ZBTB20: variants seen among roughly 807,000 people sequenced by gnomAD.
ZBTB20 encodes zinc finger and BTB domain containing 20.
A neutral mutation model predicts 56.9 loss-of-function variants in ZBTB20; 9 were observed. That is an observed-to-expected ratio of 0.16 (90% confidence interval 0.10 to 0.28). ZBTB20 has a LOEUF of 0.28. Ranked by LOEUF, ZBTB20 falls within the 10% of genes least tolerant of loss-of-function variation. ZBTB20 has a pLI of 1.00. For missense variants in ZBTB20, 655 were observed against 1,003.0 expected (o/e 0.65, Z 4.69); for synonymous variants, 417 against 420.7 (o/e 0.99, Z 0.11).
chr3:114,491,433 G>A (rs754138015), intron 7 of ZBTB20, among the ~76,000 whole-genome samples: 1 of 152,098 alleles, frequency 6.6e-6, no homozygotes, highest in Admixed American at 6.5e-5. Context: ...TCTCTTCCCC[G>A]CTTATTCTTA....
rs72956216 is a variant in ZBTB20 at position 114,775,278 on chromosome 3, C to T, written c.-343+25823G>A. ...GTTGTATCAGAGTGTTGTACTCTTCCCCAAGATCCTTCCTTTGCCCCACTT... is the reference window on the plus strand; with the variant it reads ...GTTGTATCAGAGTGTTGTACTCTTCTCCAAGATCCTTCCTTTGCCCCACTT... On this transcript the variant is annotated intron_variant, in intron 5 of 11. Transcript: ENST00000675478. Among the ~76,000 whole-genome samples, 869 of 152,164 alleles carry T rather than the reference C, an allele frequency of 5.7e-3. 12 individuals carry two copies. The highest frequency in any genetic ancestry group is 0.019 in the African/African-American group (803 of 41,528).
At chr3:114,558,123 G>A (rs1177745116) in intron 6 of ZBTB20, among the ~76,000 whole-genome samples, 1 of 151,936 alleles carries the variant, frequency 6.6e-6, no homozygotes. Context: ...TAATTTCTGG[G>A]AACTACCTTG....
At chr3:114,970,307 G>C (rs2077820997) in intron 3 of ZBTB20, among the ~76,000 whole-genome samples, 1 of 152,178 alleles carries the variant, frequency 6.6e-6, no homozygotes, top group African/African-American at 2.4e-5. Context: ...TTCCCAAAAA[G>C]AACTGTGTTA....
At chr3:114,979,607 A>T (rs1357056928) in intron 2 of ZBTB20, among the ~76,000 whole-genome samples, 1 of 152,174 alleles carries the variant, frequency 6.6e-6, no homozygotes, top group South Asian at 2.1e-4. Flanking sequence ...ATAGCAAACA[A>T]GTCTTCATTA....
chr3:115,032,129 T>C (rs1206988555), intron 2 of ZBTB20, among the ~76,000 whole-genome samples: 1 of 151,376 alleles, frequency 6.6e-6, no homozygotes, highest in African/African-American at 2.4e-5. Flanking sequence ...CCTTTAAAAA[T>C]ATTTTTTTTT....
chr3:114,402,324 T>C (rs1393637318), intron 7 of ZBTB20, among the ~76,000 whole-genome samples: 2 of 152,034 alleles, frequency 1.3e-5, no homozygotes, highest in Non-Finnish European at 2.9e-5. Flanking sequence ...GCTTTTGGAG[T>C]ACTCTCCAAA....
chr3:114,848,737 C>T (rs1301469619), intron 4 of ZBTB20, among the ~76,000 whole-genome samples: 2 of 152,224 alleles, frequency 1.3e-5, no homozygotes, highest in Non-Finnish European at 2.9e-5. Context: ...ATTGCTTATG[C>T]TGTCCTGCAC....
intron 5 of ZBTB20, among the ~76,000 whole-genome samples, chr3:114,717,607 T>C (rs1412787590): frequency 1.3e-5 from 2 of 152,190 alleles, no homozygotes; most frequent in Non-Finnish European, 2.9e-5. Flanking sequence ...TATATTTATA[T>C]GCTATTCTTT....
intron 5 of ZBTB20, among the ~76,000 whole-genome samples, chr3:114,772,937 A>C (rs966997073): frequency 6.6e-6 from 1 of 152,236 alleles, no homozygotes; most frequent in Non-Finnish European, 1.5e-5. Context: ...TCTTAAAAGC[A>C]GAGAACTTTT....
At position 114,458,975 on chromosome 3, in the gene ZBTB20, T is replaced by C. The variant is rs181363096; in HGVS notation, c.-255+41377A>G. Among the ~76,000 whole-genome samples the C allele has an allele frequency of 2.3e-3, 357 of 152,242 alleles. 1 individual carries two copies. Among genetic ancestry groups the C allele is most frequent in the African/African-American group, 8.1e-3 (336 of 41,560 alleles). On this transcript the variant is annotated intron_variant, in intron 7 of 11. Transcript: ENST00000675478. ...AGGTAAATGCACCCATGGTAGACCA[T>C]AGTTTATTAGGCCTTTTTAGTGTAC...
chr3:114,427,834 G>C (rs1442009042), intron 7 of ZBTB20, among the ~76,000 whole-genome samples: 1 of 152,196 alleles, frequency 6.6e-6, no homozygotes, highest in African/African-American at 2.4e-5. Flanking sequence ...AGGTAAAGCA[G>C]TAGAGGCAGA....
intron 5 of ZBTB20, among the ~76,000 whole-genome samples, chr3:114,760,151 T>G (rs937476024): frequency 1.3e-5 from 2 of 152,222 alleles, no homozygotes; most frequent in Non-Finnish European, 2.9e-5. Context: ...ATTTTATTAA[T>G]GTCCTTAATC....
At chr3:115,146,776 T>TG (rs2084992892) in intron 1 of ZBTB20, among the ~76,000 whole-genome samples, 1 of 152,098 alleles carries the variant, frequency 6.6e-6, no homozygotes, top group Admixed American at 6.5e-5. Context: ...TAGCAGCTCC[T>TG]GAGCCCCGGC....
rs540661084 is a variant in ZBTB20, at chr3:115,095,734, C to T, written c.-702-24320G>A. ...ATGCTGAATTAGAACTAGGGGAGCT[C>T]AAGGATATTTTGATATATTAAACAT... is the stretch of plus-strand genomic sequence containing the variant. On this transcript the variant is annotated intron_variant, in intron 1 of 11. Transcript: ENST00000675478. Among the ~76,000 whole-genome samples, 7 of 152,116 alleles carry T rather than the reference C, an allele frequency of 4.6e-5. No individual in the cohort carries two copies. The South Asian group carries it at 1.5e-3, about 32-fold the overall frequency.
chr3:114,719,838 A>C (rs1187545156), intron 5 of ZBTB20, among the ~76,000 whole-genome samples: 2 of 152,074 alleles, frequency 1.3e-5, no homozygotes, highest in South Asian at 2.1e-4. Context: ...GAAGGTTAGA[A>C]ACTGTTAAGA....
chr3:114,667,311 T>G (rs555676942), intron 6 of ZBTB20, among the ~76,000 whole-genome samples: 1 of 152,144 alleles, frequency 6.6e-6, no homozygotes, highest in Non-Finnish European at 1.5e-5. Flanking sequence ...ATATATAATT[T>G]TATTACTTCT....
intron 2 of ZBTB20, among the ~76,000 whole-genome samples, chr3:115,063,683 AAAC>A (rs1306332279): frequency 4.0e-4 from 59 of 149,120 alleles, no homozygotes; most frequent in African/African-American, 1.1e-3. Context: ...ACACACACAC[AAAC>A]ACACACACAC....
At chr3:114,696,010 A>T (rs529467020) in intron 5 of ZBTB20, among the ~76,000 whole-genome samples, 55 of 152,142 alleles carry the variant, frequency 3.6e-4, no homozygotes, top group African/African-American at 1.3e-3. Context: ...AAATACATTA[A>T]ATATATATAT....
At position 114,975,486 on chromosome 3, in the gene ZBTB20, C is replaced by A. The variant is rs559012709; in HGVS notation, c.-506-1070G>T. On this transcript the variant is annotated intron_variant, in intron 2 of 11. Coordinates refer to ENST00000675478, the MANE Select transcript of ZBTB20 (RefSeq NM_001348800.3). ...ATTGACTATATCATTAATATGCATG[C>A]ACAGTATTTTTGCAAACAACAAACC... Among the ~76,000 whole-genome samples the A allele has an allele frequency of 3.9e-5, 6 of 152,136 alleles. No homozygotes were observed. The East Asian group carries it at 1.2e-3, about 29-fold the overall frequency.
Sources: allele counts gnomAD v4.1 joint callset (sites outside exome capture counted in the v4.1 genomes callset), GRCh38; gene constraint gnomAD v4.1.1; transcripts MANE v1.5; gene names NCBI Gene and HGNC (gene_info 2026-07-23, HGNC 2026-07-21).